XIRP2: variants seen among roughly 807,000 people sequenced by gnomAD.
XIRP2 encodes the protein xin actin-binding repeat-containing protein 2.
Under a neutral mutation model 277.0 loss-of-function variants are expected in XIRP2, and 236 were observed. The observed-to-expected ratio is 0.85, with a 90% CI of 0.77 to 0.95. The LOEUF is 0.95. Ranked by LOEUF, XIRP2 falls within the 40% of genes least tolerant of loss-of-function variation. XIRP2 has a pLI of 0.00. For missense variants in XIRP2, 4,640 were observed against 4,157.5 expected (o/e 1.12, Z -3.19); for synonymous variants, 1,490 against 1,416.5 (o/e 1.05, Z -1.17).
intron 2 of XIRP2, among the ~76,000 whole-genome samples, chr2:167,036,676 C>T (rs1346669108): frequency 1.3e-5 from 2 of 151,866 alleles, no homozygotes; most frequent in Non-Finnish European, 2.9e-5. Context: ...GTTGGGAAAG[C>T]ATGATTGGTT....
At chr2:167,210,378 T>G (rs749783179) in intron 3 of XIRP2, among the ~76,000 whole-genome samples, 1 of 152,158 alleles carries the variant, frequency 6.6e-6, no homozygotes, top group African/African-American at 2.4e-5. Flanking sequence ...CCTTACAAGA[T>G]TGTTAGAAAA....
At chr2:166,962,652 G>C (rs759731253) in intron 2 of XIRP2, among the ~76,000 whole-genome samples, 1 of 151,786 alleles carries the variant, frequency 6.6e-6, no homozygotes, top group Non-Finnish European at 1.5e-5. Flanking sequence ...ACAAAATAAT[G>C]CCTTGTTGAA....
At chr2:166,987,972 C>T (rs866075766) in intron 2 of XIRP2, among the ~76,000 whole-genome samples, 11 of 152,056 alleles carry the variant, frequency 7.2e-5, no homozygotes, top group Admixed American at 1.3e-4. Context: ...ATAGAATGCA[C>T]AATGGAAATA....
chr2:167,032,429 A>G (rs1275748639), intron 2 of XIRP2, among the ~76,000 whole-genome samples: 1 of 152,196 alleles, frequency 6.6e-6, no homozygotes, highest in African/African-American at 2.4e-5. Context: ...CAACTGCAGA[A>G]AAAGCCAAAA....
At chr2:167,201,793 AAG>A (rs780184084) in intron 3 of XIRP2, among the ~76,000 whole-genome samples, 53 of 152,346 alleles carry the variant, frequency 3.5e-4, no homozygotes, top group Middle Eastern at 6.8e-3. Context: ...GGAAGCAGAA[AAG>A]AGTTTCATAC....
intron 2 of XIRP2, among the ~76,000 whole-genome samples, chr2:167,054,106 G>T (rs1304032451): frequency 1.3e-5 from 2 of 152,094 alleles, no homozygotes; most frequent in Non-Finnish European, 2.9e-5. Context: ...CTTAATATTT[G>T]ATTAGATAGC....
At chr2:167,081,363 G>A (rs1448258739) in intron 2 of XIRP2, among the ~76,000 whole-genome samples, 1 of 152,172 alleles carries the variant, frequency 6.6e-6, no homozygotes, top group Non-Finnish European at 1.5e-5. Context: ...AGGAAGCAGA[G>A]AAGCAGAGGT....
At chr2:167,052,294 C>T (rs6432967) in intron 2 of XIRP2, among the ~76,000 whole-genome samples, 22,349 of 151,882 alleles carry the variant, frequency 0.15, 2,942 homozygotes, top group African/African-American at 0.35. Context: ...ATGTAGAAAT[C>T]TAATCTTGGC....
chr2:167,218,086 C>G (rs1573967299), intron 4 of XIRP2, 80 bp from the exon 5 acceptor site: 3 of 1,243,176 alleles, frequency 2.4e-6, no homozygotes, highest in East Asian at 2.7e-5. Context: ...CAATAAATGT[C>G]AACTATTTTT....
intron 2 of XIRP2, among the ~76,000 whole-genome samples, chr2:166,936,703 G>T (rs990334274): frequency 2.6e-5 from 4 of 152,138 alleles, no homozygotes; most frequent in African/African-American, 4.8e-5. Context: ...TGTCAGGTTT[G>T]TCAAAGATCA....
intron 3 of XIRP2, among the ~76,000 whole-genome samples, chr2:167,143,593 G>C (rs183077976): frequency 1.3e-5 from 2 of 152,178 alleles, no homozygotes; most frequent in Admixed American, 1.3e-4. Flanking sequence ...GGCCAGAGTG[G>C]GTGCTAGATT....
Position 167,247,377 on chromosome 2 carries a change from T to C in XIRP2, c.5985T>C (p.Asp1995=), listed in dbSNP as rs762852909. ...EPAAKWQGGA[D]TLSQTMGKSC... ...CGGCCAAGTGGCAAGGGGGAGCAGA[T>C]ACTCTCAGTCAAACTATGGGGAAAT... The change falls in exon 9 of 11, where the codon GAT becomes GAC. Residue 1995 remains aspartate (D), a synonymous_variant. Transcript: ENST00000409195. 4.2e-5 allele frequency: 68 copies of C among 1,613,620 alleles called. No individual in the cohort carries two copies. In the Middle Eastern group the frequency reaches 1.5e-3, roughly 35 times the overall value.
chr2:167,137,873 T>C (rs1052330479), intron 3 of XIRP2, among the ~76,000 whole-genome samples: 12 of 151,982 alleles, frequency 7.9e-5, no homozygotes, highest in African/African-American at 2.9e-4. Flanking sequence ...AGAAACAAAA[T>C]TCTTTCATTA....
At chr2:167,212,865 G>A (rs575394304) in intron 4 of XIRP2, among the ~76,000 whole-genome samples, 53 of 151,440 alleles carry the variant, frequency 3.5e-4, no homozygotes, top group Non-Finnish European at 6.5e-4. Context: ...ATTTAATCAT[G>A]TGCATGAAAT....
At chr2:167,206,794 G>C (rs1693868053) in intron 3 of XIRP2, among the ~76,000 whole-genome samples, 1 of 152,154 alleles carries the variant, frequency 6.6e-6, no homozygotes, top group South Asian at 2.1e-4. Flanking sequence ...CTTTCCATAA[G>C]ACTGTCCGCA....
chr2:167,078,831 C>G, intron 2 of XIRP2, among the ~76,000 whole-genome samples: 1 of 78,092 alleles, frequency 1.3e-5, no homozygotes, highest in Non-Finnish European at 3.2e-5. Context: ...CAGTGAGACT[C>G]CGTCTCAAAA....
intron 9 of XIRP2, among the ~76,000 whole-genome samples, chr2:167,252,493 TAG>T (rs1695543208): frequency 6.6e-6 from 1 of 152,010 alleles, no homozygotes. Context: ...CTGAGTTGGA[TAG>T]AGTTAGTTTT....
At chr2:167,124,385 A>G (rs1166468222) in intron 2 of XIRP2, 2 of 151,956 alleles carry the variant, frequency 1.3e-5, no homozygotes, top group Non-Finnish European at 1.5e-5. Flanking sequence ...GAGTTAGCCT[A>G]TTTTCTTTAT....
intron 2 of XIRP2, among the ~76,000 whole-genome samples, chr2:167,093,171 T>G (rs1015365359): frequency 2.6e-5 from 4 of 151,822 alleles, no homozygotes; most frequent in African/African-American, 7.3e-5. Flanking sequence ...ATGCTATTAA[T>G]CAATATAATG....
Sources: gnomAD v4.1 joint callset for allele counts (sites outside exome capture counted in the v4.1 genomes callset) on GRCh38, gnomAD v4.1.1 for gene constraint, MANE v1.5 for transcripts, NCBI Gene and HGNC (gene_info 2026-07-23, HGNC 2026-07-21) for gene names.